DGKA: variants seen among roughly 807,000 people sequenced by gnomAD.
DGKA encodes 80 kDa diacylglycerol kinase.
In DGKA, 35 loss-of-function variants were observed where a neutral mutation model predicts 105.0. The observed-to-expected ratio is 0.33, with a 90% CI of 0.25 to 0.44. DGKA has a LOEUF of 0.44. Among genes scored for constraint, DGKA ranks in the 20% least tolerant of loss-of-function variants. The probability of loss-of-function intolerance (pLI) is 1.00; values close to 1 mark genes in which losing one functional copy is unlikely to be tolerated. For missense variants in DGKA, 665 were observed against 915.0 expected (o/e 0.73, Z 3.53); for synonymous variants, 296 against 332.0 (o/e 0.89, Z 1.18).
At chr12:55,927,398 G>T (rs777198150), upstream of DGKA, 2 of 713,940 alleles carry the variant, frequency 2.8e-6, no homozygotes, top group African/African-American at 3.5e-5. Flanking sequence ...CTCATCCCCA[G>T]GAACTCCTCG....
chr12:55,932,837 C>T lies in DGKA; in HGVS notation c.-82+1493C>T, dbSNP rs1050062836. Reference sequence around the variant, plus strand: ...GCAAATGATTCCCTCTTGAGGGCTACCTACTAGCAGCAACGGTCAGGGAGA... The same window carrying T: ...GCAAATGATTCCCTCTTGAGGGCTATCTACTAGCAGCAACGGTCAGGGAGA... On this transcript the variant is annotated intron_variant, in intron 1 of 23. Transcript: ENST00000331886. The surrounding 1 kb of genome is among the most constrained non-coding windows in gnomAD (Gnocchi z 4.3). 3.9e-6 allele frequency: 2 copies of T among 508,184 alleles called. No homozygotes were observed. Among genetic ancestry groups the T allele is most frequent in the African/African-American group, 1.9e-5 (1 of 52,050 alleles). The allele number at this position is 508,184 out of a possible 1,614,324, so 31.5% of individuals were successfully genotyped here. A position where few individuals can be genotyped will look rare whatever the true frequency, so the allele number is the denominator to read the frequency against.
Position 55,949,681 on chromosome 12 carries a change from G to T in DGKA, c.1427-1942G>T, listed in dbSNP as rs115566665. On this transcript the variant is annotated intron_variant, in intron 17 of 23. Transcript: ENST00000331886. ...TTTGCCAACCTGATATGCAACAAAA[G>T]TTAGCTAATTGTTTTAATTATGGTT... Among the ~76,000 whole-genome samples, 1,063 of 152,250 alleles carry T rather than the reference G, an allele frequency of 7.0e-3. 22 individuals carry two copies. The highest frequency in any genetic ancestry group is 0.023 in the African/African-American group (976 of 41,560).
At chr12:55,950,225 G>A (rs1037490921) in intron 17 of DGKA, among the ~76,000 whole-genome samples, 5 of 151,536 alleles carry the variant, frequency 3.3e-5, no homozygotes, top group East Asian at 1.9e-4. Flanking sequence ...TGCCCTCCTC[G>A]GCCTCCCAAA....
intron 1 of DGKA, among the ~76,000 whole-genome samples, chr12:55,934,167 AAGAG>A (rs1339319940): frequency 3.9e-5 from 6 of 152,178 alleles, no homozygotes; most frequent in African/African-American, 1.4e-4. Flanking sequence ...TCATTGTAAA[AAGAG>A]AGGCAGAGAA....
chr12:55,940,743 G>C lies in DGKA; in HGVS notation c.1017+21G>C. 1.2e-6 allele frequency: 2 copies of C among 1,611,914 alleles called. No individual in the cohort carries two copies. The highest frequency in any genetic ancestry group is 1.7e-6 in the Non-Finnish European group (2 of 1,179,056). ...TCCTGGTGAGACCCTCGGCAGCAGC[G>C]GGGAGGGGACAGGAGTGCCTCCCCG... On this transcript the variant is annotated intron_variant, in intron 12 of 23. Coordinates refer to ENST00000331886, the MANE Select transcript of DGKA (RefSeq NM_001345.5). The surrounding 1 kb of genome is among the most constrained non-coding windows in gnomAD (Gnocchi z 4.3).
chr12:55,932,698 C>G lies in DGKA; in HGVS notation c.-82+1354C>G. The G allele has an allele frequency of 1.6e-6, 1 of 611,424 alleles. No individual in the cohort carries two copies. The highest frequency in any genetic ancestry group is 2.9e-6 in the Non-Finnish European group (1 of 346,922). The allele number at this position is 611,424 out of a possible 1,614,324, so 37.9% of individuals were successfully genotyped here. A position where few individuals can be genotyped will look rare whatever the true frequency, so the allele number is the denominator to read the frequency against. ...ACTACGCAATGACACCCTCTACACA[C>G]ACACACACACGCACACACACACACA... On this transcript the variant is annotated intron_variant, in intron 1 of 23. Coordinates refer to ENST00000331886, the MANE Select transcript of DGKA (RefSeq NM_001345.5). The surrounding 1 kb of genome is among the most constrained non-coding windows in gnomAD (Gnocchi z 4.3).
intron 17 of DGKA, among the ~76,000 whole-genome samples, chr12:55,950,983 C>T (rs946990910): frequency 3.9e-5 from 6 of 152,098 alleles, no homozygotes; most frequent in African/African-American, 9.7e-5. Flanking sequence ...TCTGGCCAGG[C>T]GCAGTGGCCT....
rs760453191 is a variant in DGKA, at chr12:55,939,182, T to A, written c.475-4T>A. On this transcript the variant is annotated splice_region_variant and splice_polypyrimidine_tract_variant and intron_variant, in intron 7 of 23. Transcript: ENST00000331886. ...CTGAAAGTCCCTTTCCACTCTGTGC[T>A]CAGATTCTTCAGGAGATGATGAAAG... The A allele has an allele frequency of 1.2e-6, 2 of 1,613,868 alleles. No individual in the cohort carries two copies. The highest frequency in any genetic ancestry group is 2.2e-5 in the South Asian group (2 of 91,018).
At chr12:55,936,841 AGAG>A (rs1447544027) in intron 2 of DGKA, 173 bp from the exon 3 acceptor site, 1 of 803,162 alleles carries the variant, frequency 1.2e-6, no homozygotes, top group African/African-American at 1.7e-5. Flanking sequence ...CTCTCAGAGA[AGAG>A]GAGTAAAGAG....
At position 55,940,887 on chromosome 12, in the gene DGKA, C is replaced by A; in HGVS notation, c.1018-10C>A. ...CAGCTTTTCTTCCCTCTACTTTCTTCCCCTCCCAGGCCTCTGGACCGGATC... is the reference window on the plus strand; with the variant it reads ...CAGCTTTTCTTCCCTCTACTTTCTTACCCTCCCAGGCCTCTGGACCGGATC... On this transcript the variant is annotated splice_polypyrimidine_tract_variant and intron_variant, in intron 12 of 23. Transcript: ENST00000331886. This position sits in a 1 kb window ranked among gnomAD's most constrained non-coding sequence, Gnocchi z 4.3. The A allele has an allele frequency of 1.9e-6, 3 of 1,613,866 alleles. No individual in the cohort carries two copies. The highest frequency in any genetic ancestry group is 2.5e-6 in the Non-Finnish European group (3 of 1,179,876).
chr12:55,939,327 G>A (rs1397182153), intron 8 of DGKA, 22 bp downstream of exon 8: 1 of 1,612,994 alleles, frequency 6.2e-7, no homozygotes, highest in Non-Finnish European at 8.5e-7. Context: ...AGACTTTGGG[G>A]GATGAGTAAG....
Position 55,952,042 on chromosome 12 carries a change from C to A in DGKA, c.1595C>A (p.Ser532Tyr), listed in dbSNP as rs1375148871. 1 of 1,614,050 alleles carries A rather than the reference C, an allele frequency of 6.2e-7. No homozygotes were observed. The highest frequency in any genetic ancestry group is 8.5e-7 in the Non-Finnish European group (1 of 1,180,022). ...NNYFSIGVDA[S>Y]IAHRFHIMRE... is the part of the protein sequence containing the mutation. ...ATGTCCCGAACTCTCCAGGATGCCT[C>A]TATTGCTCATCGATTCCACATCATG... The change falls in exon 19 of 24, where the codon TCT (serine) becomes TAT (tyrosine). Residue 532 changes from serine to tyrosine, a missense_variant. Transcript: ENST00000331886. The surrounding 1 kb of genome is among the most constrained non-coding windows in gnomAD (Gnocchi z 5.1).
In DGKA at chr12:55,932,965, A is replaced by G. The variant is rs536743394; in HGVS notation, c.-82+1621A>G. Reference sequence around the variant, plus strand: ...CTCCTGCCCCTCTGGGGCAGCCTCAATATTCTGGAGACATAGCTATTTCCT... The same window carrying G: ...CTCCTGCCCCTCTGGGGCAGCCTCAGTATTCTGGAGACATAGCTATTTCCT... On this transcript the variant is annotated intron_variant, in intron 1 of 23. Coordinates refer to ENST00000331886, the MANE Select transcript of DGKA (RefSeq NM_001345.5). This position sits in a 1 kb window ranked among gnomAD's most constrained non-coding sequence, Gnocchi z 4.3. The G allele has an allele frequency of 6.6e-5, 13 of 198,460 alleles. No individual in the cohort carries two copies. Among genetic ancestry groups the G allele is most frequent in the African/African-American group, 2.5e-4 (11 of 43,386 alleles). 12.3% of individuals were successfully genotyped at this position (198,460 alleles called of 1,614,324 possible).
intron 15 of DGKA, 104 bp from the exon 16 acceptor site, chr12:55,941,894 G>A (rs773469472): frequency 4.2e-5 from 51 of 1,202,640 alleles, no homozygotes; most frequent in Non-Finnish European, 5.4e-5. Context: ...CAAAAAGGAG[G>A]AGGGTCCTAC....
At chr12:55,934,859 C>T (rs1884330552) in intron 1 of DGKA, among the ~76,000 whole-genome samples, 1 of 152,208 alleles carries the variant, frequency 6.6e-6, no homozygotes, top group Non-Finnish European at 1.5e-5. Context: ...ATATTCAGCA[C>T]CCACTACATA....
intron 2 of DGKA, 39 bp downstream of exon 2, chr12:55,936,606 G>T (rs1884756292): frequency 6.2e-7 from 1 of 1,613,720 alleles, no homozygotes; most frequent in Non-Finnish European, 8.5e-7. Context: ...TGGAGACCCT[G>T]CCCCAGAGAA....
intron 14 of DGKA, 29 bp from the exon 15 acceptor site, chr12:55,941,481 C>T: frequency 6.2e-7 from 1 of 1,612,974 alleles, no homozygotes; most frequent in Non-Finnish European, 8.5e-7. Flanking sequence ...CCCGCGCCTG[C>T]CATGAACTTT....
Position 55,953,815 on chromosome 12 carries a change from T to C in DGKA, c.*47T>C. 2 of 1,536,490 alleles carry C rather than the reference T, an allele frequency of 1.3e-6. No individual in the cohort carries two copies. The highest frequency in any genetic ancestry group is 1.8e-6 in the Non-Finnish European group (2 of 1,110,256). On this transcript the variant is annotated 3_prime_UTR_variant, in exon 24 of 24. Transcript: ENST00000331886. ...AGCCAGCCTTGAACCCACCTCCCTGTCCCTGGACTCTACTCCCGAGGCTCT... is the reference window on the plus strand; with the variant it reads ...AGCCAGCCTTGAACCCACCTCCCTGCCCCTGGACTCTACTCCCGAGGCTCT...
chr12:55,939,064 T>A (rs1184751433), intron 7 of DGKA, 75 bp downstream of exon 7: 1 of 1,608,492 alleles, frequency 6.2e-7, no homozygotes, highest in East Asian at 2.2e-5. Flanking sequence ...TTACTTCATC[T>A]CTGACAGGCA....
Sources: gnomAD v4.1 joint callset for allele counts (sites outside exome capture counted in the v4.1 genomes callset) on GRCh38, gnomAD v4.1.1 for gene constraint, Gnocchi (gnomAD v3.1) non-coding constraint, MANE v1.5 for transcripts, NCBI Gene and HGNC (gene_info 2026-07-23, HGNC 2026-07-21) for gene names.